LLGL2: variants seen among roughly 807,000 people sequenced by gnomAD.
The protein encoded by LLGL2 is LLGL scribble cell polarity complex component 2.
In LLGL2, 81 loss-of-function variants were observed where a neutral mutation model predicts 123.2. That is an observed-to-expected ratio of 0.66 (90% CI 0.55 to 0.79). The LOEUF (loss-of-function observed/expected upper bound fraction) is 0.79, where lower values mean the gene tolerates loss of function less well. Among genes scored for constraint, LLGL2 ranks in the 30% least tolerant of loss-of-function variants. The pLI, the probability that LLGL2 is intolerant of heterozygous loss-of-function variation, is 0.00. For missense variants in LLGL2, 1,273 were observed against 1,414.6 expected (o/e 0.90, Z 1.61); for synonymous variants, 577 against 594.1 (o/e 0.97, Z 0.42).
At chr17:75,574,303 G>GAAGGGGGGGGC in intron 23 of LLGL2, 43 bp downstream of exon 23, 1 of 513,406 alleles carries the variant, frequency 1.9e-6, no homozygotes. Context: ...GAGGGGTGGG[G>GAAGGGGGGGGC]AAGGGGGGTC....
chr17:75,574,548 T>A, intron 24 of LLGL2, 53 bp downstream of exon 24: 2 of 1,591,648 alleles, frequency 1.3e-6, no homozygotes, highest in South Asian at 2.3e-5. Flanking sequence ...GCCAGAGGGC[T>A]CAGGGGAGCG....
chr17:75,535,435 C>T (rs987160419), intron 1 of LLGL2, among the ~76,000 whole-genome samples: 3 of 152,216 alleles, frequency 2.0e-5, no homozygotes, highest in Non-Finnish European at 4.4e-5. Flanking sequence ...GGAGTCCTGC[C>T]GCTGGGTGTG....
Position 75,558,668 on chromosome 17 carries a change from C to A in LLGL2, c.371+41C>A. 1 of 1,483,036 alleles carries A rather than the reference C, an allele frequency of 6.7e-7. No homozygotes were observed. The highest frequency in any genetic ancestry group is 9.2e-7 in the Non-Finnish European group (1 of 1,084,544). 91.9% of individuals were successfully genotyped at this position (1,483,036 alleles called of 1,614,324 possible). ...CCAGCCCCTTCCACTCCCAGCCCAG[C>A]CTGACCCTTGCCCTTAGCTCTGGAG... On this transcript the variant is annotated intron_variant, in intron 5 of 25. Coordinates refer to ENST00000392550, the MANE Select transcript of LLGL2 (RefSeq NM_001031803.2). The surrounding 1 kb of genome is among the most constrained non-coding windows in gnomAD (Gnocchi z 4.0).
At chr17:75,554,072 C>A (rs996930089) in intron 2 of LLGL2, among the ~76,000 whole-genome samples, 6 of 152,094 alleles carry the variant, frequency 3.9e-5, no homozygotes, top group Admixed American at 3.9e-4. Flanking sequence ...GAGGCCAAGG[C>A]GGGCAGATCA....
At chr17:75,538,131 T>C (rs1568023008) in intron 1 of LLGL2, among the ~76,000 whole-genome samples, 1 of 152,050 alleles carries the variant, frequency 6.6e-6, no homozygotes, top group Non-Finnish European at 1.5e-5. Context: ...GCCGGGCTGA[T>C]TGAGGGGGCA....
At chr17:75,561,614 C>T (rs945161686) in intron 6 of LLGL2, among the ~76,000 whole-genome samples, 1 of 152,096 alleles carries the variant, frequency 6.6e-6, no homozygotes, top group African/African-American at 2.4e-5. Flanking sequence ...GAATGAGATC[C>T]TGTCTCTAAA....
Position 75,564,830 on chromosome 17 carries a change from C to A in LLGL2, c.1036+323C>A. 2 of 248,094 alleles carry A rather than the reference C, an allele frequency of 8.1e-6. No individual in the cohort carries two copies. The highest frequency in any genetic ancestry group is 5.4e-5 in the Admixed American group (1 of 18,658). 15.4% of individuals were successfully genotyped at this position (248,094 alleles called of 1,614,324 possible). A position where few individuals can be genotyped will look rare whatever the true frequency, so the allele number is the denominator to read the frequency against. On this transcript the variant is annotated intron_variant, in intron 10 of 25. Coordinates refer to ENST00000392550, the MANE Select transcript of LLGL2 (RefSeq NM_001031803.2). The surrounding 1 kb of genome is among the most constrained non-coding windows in gnomAD (Gnocchi z 4.9). ...AGCGAACCAGGATCATGCTACTGTA[C>A]TCAGCCTGGGTGACATAGCCAGACT...
rs1161728591 is a variant in LLGL2, at chr17:75,568,583, C to T, written c.1144C>T (p.Leu382=). ...PPVQLPYLAS[L]HCSAITCSHH... ...GGTCCAGCTGCCCTACCTGGCTTCT[C>T]TGCACTGTTCCGCCATCACCTGCTC... is the stretch of plus-strand genomic sequence containing the variant. Residue 382 remains leucine, a synonymous_variant, in exon 11 of 26, where the codon CTG becomes TTG. Transcript: ENST00000392550. The T allele has an allele frequency of 1.9e-6, 3 of 1,613,854 alleles. No homozygotes were observed. In the East Asian group the frequency reaches 6.7e-5, roughly 36 times the overall value.
chr17:75,544,302 G>A lies in LLGL2; in HGVS notation c.75+801G>A, dbSNP rs2054329350. 1.3e-5 allele frequency among the ~76,000 whole-genome samples: 2 copies of A among 152,268 alleles called. No individual in the cohort carries two copies. The highest frequency in any genetic ancestry group is 2.1e-4 in the South Asian group (1 of 4,820). On this transcript the variant is annotated intron_variant, in intron 2 of 25. Transcript: ENST00000392550. The surrounding 1 kb of genome is among the most constrained non-coding windows in gnomAD (Gnocchi z 4.2). ...TGGGACACTGTGATCCTCTTCCCCC[G>A]GGGAGCCAGGACCCTCCCAATATGC...
chr17:75,573,342 AGGGGTGTTGT>A, intron 20 of LLGL2, 64 bp downstream of exon 20: 1 of 1,559,354 alleles, frequency 6.4e-7, no homozygotes, highest in Non-Finnish European at 8.7e-7. Flanking sequence ...AAGGGTGGCC[AGGGGTGTTGT>A]GGCCACGGCC....
chr17:75,568,865 C>G (rs2055563323), intron 12 of LLGL2, 26 bp downstream of exon 12: 1 of 1,565,500 alleles, frequency 6.4e-7, no homozygotes, highest in African/African-American at 1.4e-5. Context: ...GCTACCCCAC[C>G]TCTTCCCAGT....
At chr17:75,573,719 G>A in intron 21 of LLGL2, 88 bp downstream of exon 21, 3 of 1,385,252 alleles carry the variant, frequency 2.2e-6, no homozygotes, top group Non-Finnish European at 2.9e-6. Context: ...CTGCCTGGCT[G>A]GAGGCACCTC....
rs2055573566 is a variant in LLGL2 at position 75,569,077 on chromosome 17, C to T, written c.1422C>T (p.Asp474=). ...STVRVFLTDT[D]PNENFSAQGE... ...TGCGCGTGTTCCTCACCGACACGGA[C>T]CCCAACGAGAACTTCAGTGCCCAGG... The change falls in exon 13 of 26, where the codon GAC becomes GAT. Residue 474 remains aspartate (D), a synonymous_variant. Coordinates refer to ENST00000392550, the MANE Select transcript of LLGL2 (RefSeq NM_001031803.2). 6.2e-7 allele frequency: 1 copy of T among 1,613,050 alleles called. No individual in the cohort carries two copies. Among genetic ancestry groups the T allele is most frequent in the African/African-American group, 1.3e-5 (1 of 74,900 alleles).
rs1003567007 is a variant in LLGL2 at position 75,544,882 on chromosome 17, G to A, written c.75+1381G>A. 9.2e-5 allele frequency among the ~76,000 whole-genome samples: 14 copies of A among 152,122 alleles called. No individual in the cohort carries two copies. Among genetic ancestry groups the A allele is most frequent in the African/African-American group, 3.1e-4 (13 of 41,420 alleles). ...ATCCCAACGTGCCTCCTGCCAGCTC[G>A]CTTTTGGGCCTTGGGATATGGGGGT... On this transcript the variant is annotated intron_variant, in intron 2 of 25. Coordinates refer to ENST00000392550, the MANE Select transcript of LLGL2 (RefSeq NM_001031803.2). This position sits in a 1 kb window ranked among gnomAD's most constrained non-coding sequence, Gnocchi z 4.2.
chr17:75,560,792 GT>G (rs1279539369), intron 6 of LLGL2, among the ~76,000 whole-genome samples: 14 of 70,018 alleles, frequency 2.0e-4, no homozygotes, highest in South Asian at 5.8e-4. Context: ...GGCCCAGTTT[GT>G]TTATTTATTA....
chr17:75,541,515 G>T (rs1384351913), intron 1 of LLGL2, among the ~76,000 whole-genome samples: 1 of 152,138 alleles, frequency 6.6e-6, no homozygotes, highest in Non-Finnish European at 1.5e-5. Context: ...GGAGTTTCCC[G>T]GCCACCTGCT....
chr17:75,546,830 G>A lies in LLGL2; in HGVS notation c.75+3329G>A, dbSNP rs112456263. On this transcript the variant is annotated intron_variant, in intron 2 of 25. Coordinates refer to ENST00000392550, the MANE Select transcript of LLGL2 (RefSeq NM_001031803.2). The stretch of plus-strand genomic sequence containing the variant: ...GGCGGAGGGCAGGTCCAGCAGACAG[G>A]CGGAGGGCAGGTCCAGCAGACAGGC... 1.7e-3 allele frequency among the ~76,000 whole-genome samples: 230 copies of A among 139,240 alleles called. 4 individuals carry two copies. The highest frequency in any genetic ancestry group is 5.7e-3 in the African/African-American group (206 of 36,238). 91.3% of individuals were successfully genotyped at this position (139,240 alleles called of 152,430 possible). A position where few individuals can be genotyped will look rare whatever the true frequency, so the allele number is the denominator to read the frequency against.
intron 1 of LLGL2, among the ~76,000 whole-genome samples, chr17:75,526,922 C>G (rs1313515250): frequency 6.6e-6 from 1 of 152,070 alleles, no homozygotes; most frequent in Non-Finnish European, 1.5e-5. Context: ...AATCCCAGCA[C>G]TTTGGGAAGC....
intron 1 of LLGL2, among the ~76,000 whole-genome samples, chr17:75,542,448 G>A (rs747157056): frequency 3.3e-5 from 5 of 152,108 alleles, no homozygotes; most frequent in South Asian, 2.1e-4. Context: ...TCCCAAGGAC[G>A]GGCCTTGCTG....
Sources: gnomAD v4.1 joint callset for allele counts (sites outside exome capture counted in the v4.1 genomes callset) on GRCh38, gnomAD v4.1.1 for gene constraint, Gnocchi (gnomAD v3.1) non-coding constraint, MANE v1.5 for transcripts, NCBI Gene and HGNC (gene_info 2026-07-23, HGNC 2026-07-21) for gene names.